Variants in ERCC6 observed in about 807,000 individuals in gnomAD.
ERCC6 encodes DNA excision repair protein ERCC-6.
A neutral mutation model predicts 158.7 loss-of-function variants in ERCC6; 116 were observed. That is an observed-to-expected ratio of 0.73 (90% CI 0.63 to 0.85). The LOEUF (loss-of-function observed/expected upper bound fraction) is 0.85. Ranked by LOEUF, ERCC6 falls within the 40% of genes least tolerant of loss-of-function variation. The pLI is 0.00. For missense variants in ERCC6, 1,698 were observed against 1,799.4 expected, an observed-to-expected ratio of 0.94 and a Z score of 1.02; for synonymous variants, 678 against 659.3, an observed-to-expected ratio of 1.03 and a Z score of -0.43.
At chr10:49,490,218 C>T (rs1279076721) in intron 8 of ERCC6, among the ~76,000 whole-genome samples, 1 of 152,100 alleles carries the variant, frequency 6.6e-6, no homozygotes, top group Non-Finnish European at 1.5e-5. Flanking sequence ...TGCTGCCAAT[C>T]AGAGACTATT....
chr10:49,459,274 T>G, intron 20 of ERCC6, 40 bp from the exon 21 acceptor site: 1 of 1,602,496 alleles, frequency 6.2e-7, no homozygotes, highest in Non-Finnish European at 8.5e-7. Context: ...ATTTAATTTC[T>G]AGTTTATGCC....
intron 4 of ERCC6, among the ~76,000 whole-genome samples, chr10:49,526,763 G>T (rs566509813): frequency 2.0e-5 from 3 of 152,144 alleles, no homozygotes; most frequent in Admixed American, 1.3e-4. Context: ...TTACAGTTAT[G>T]GTGTAACTTC....
chr10:49,470,637 C>A lies in ERCC6; in HGVS notation c.3323G>T (p.Gly1108Val), dbSNP rs531562463. 1.9e-6 allele frequency: 3 copies of A among 1,613,666 alleles called. No homozygotes were observed. In the African/African-American group the frequency reaches 4.0e-5, roughly 22 times the overall value. The change falls in exon 18 of 21, where the codon GGA (glycine) becomes GTA (valine). Residue 1108 changes from glycine (G) to valine (V), a missense_variant. Transcript: ENST00000355832. The stretch of plus-strand genomic sequence containing the variant: ...TCCAGATACTGCATTTGTCTCTTCT[C>A]CAAGCCTATCATTGCTAGTTACATT... ...SSNVTSNDRL[G>V]EETNAVSGPE... is the part of the protein sequence containing the mutation.
chr10:49,461,316 G>T (rs1243676401), intron 19 of ERCC6, 36 bp downstream of exon 19: 1 of 1,592,510 alleles, frequency 6.3e-7, no homozygotes, highest in African/African-American at 1.3e-5. Flanking sequence ...TAGTTGTTTG[G>T]ACTCCTTGCA....
chr10:49,468,945 G>A (rs1287494603), intron 18 of ERCC6, among the ~76,000 whole-genome samples: 3 of 151,454 alleles, frequency 2.0e-5, no homozygotes, highest in Non-Finnish European at 4.4e-5. Flanking sequence ...AAGACAATAC[G>A]AGCATCATAA....
chr10:49,462,423 C>T lies in ERCC6; in HGVS notation c.3779-867G>A, dbSNP rs570789415. On this transcript the variant is annotated intron_variant, in intron 18 of 20. Coordinates refer to ENST00000355832, the MANE Select transcript of ERCC6 (RefSeq NM_000124.4). ...ATACAAGTAGTACAAGAAAACATGGCGAATTATCATATGATCTATATGTAG... is the reference window on the plus strand; with the variant it reads ...ATACAAGTAGTACAAGAAAACATGGTGAATTATCATATGATCTATATGTAG... Among the ~76,000 whole-genome samples, 26 of 151,822 alleles carry T rather than the reference C, an allele frequency of 1.7e-4. No individual in the cohort carries two copies. The South Asian group carries it at 4.4e-3, about 26-fold the overall frequency.
the ERCC6 span, among the ~76,000 whole-genome samples, chr10:49,441,038 A>G: frequency 2.5e-4 from 38 of 152,386 alleles, no homozygotes; most frequent in African/African-American, 8.7e-4. Flanking sequence ...ATAATTTCAG[A>G]GAAGTCAGTT....
chr10:49,462,249 A>C (rs1264000437), intron 18 of ERCC6, among the ~76,000 whole-genome samples: 1 of 152,226 alleles, frequency 6.6e-6, no homozygotes, highest in Admixed American at 6.5e-5. Context: ...TGATAAAGGC[A>C]TCTCTAATCA....
intron 3 of ERCC6, among the ~76,000 whole-genome samples, chr10:49,529,204 T>C (rs2132632887): frequency 6.6e-6 from 1 of 152,306 alleles, no homozygotes; most frequent in Non-Finnish European, 1.5e-5. Flanking sequence ...CTTTCCAAGG[T>C]CAAGAATGTT....
At position 49,532,934 on chromosome 10, in the gene ERCC6, G is replaced by C. The variant is rs769990464; in HGVS notation, c.31C>G (p.Gln11Glu). Residue 11 changes from glutamine to glutamate, a missense_variant, in exon 2 of 21, where the codon CAA (glutamine) becomes GAA (glutamate). By Grantham distance (29) the Gln-to-Glu change is conservative. Transcript: ENST00000355832. MPNEGIPHSS[Q>E]TQEQDCLQSQ... ...TGTAAACAGTCTTGCTCCTGAGTTT[G>C]ACTTGAGTGGGGGATTCCCTCATTT... The C allele has an allele frequency of 6.2e-7, 1 of 1,614,180 alleles. No homozygotes were observed. The highest frequency in any genetic ancestry group is 2.2e-5 in the East Asian group (1 of 44,882).
intron 18 of ERCC6, among the ~76,000 whole-genome samples, chr10:49,469,014 T>C (rs1850725608): frequency 6.6e-6 from 1 of 152,016 alleles, no homozygotes; most frequent in African/African-American, 2.4e-5. Flanking sequence ...TCCACACTGA[T>C]CTAAAAATAA....
At chr10:49,441,952 A>G in the ERCC6 span, among the ~76,000 whole-genome samples, 1 of 152,208 alleles carries the variant, frequency 6.6e-6, no homozygotes, top group Non-Finnish European at 1.5e-5. Flanking sequence ...GTTGAGCCCA[A>G]AAACTCCCGG....
At position 49,528,567 on chromosome 10, in the gene ERCC6, G is replaced by A. The variant is rs757358097; in HGVS notation, c.544-42C>T. On this transcript the variant is annotated intron_variant, in intron 3 of 20. Transcript: ENST00000355832. ...AGAAGACAGAAAACAGCAATGAAGT[G>A]ATTTATTGTTAAATACAAAAGATAG... is the stretch of plus-strand genomic sequence containing the variant. 1.9e-6 allele frequency: 3 copies of A among 1,605,310 alleles called. No individual in the cohort carries two copies. In the Admixed American group the frequency reaches 5.0e-5, roughly 27 times the overall value.
At chr10:49,491,287 G>A (rs1179747606) in intron 8 of ERCC6, among the ~76,000 whole-genome samples, 1 of 152,108 alleles carries the variant, frequency 6.6e-6, no homozygotes, top group Middle Eastern at 3.2e-3. Context: ...ACATATTTTT[G>A]ATCTTTTGCC....
rs374363185 is a variant in ERCC6, at chr10:49,524,585, G to T, written c.845C>A (p.Ser282Tyr). The T allele has an allele frequency of 6.2e-7, 1 of 1,614,078 alleles. No homozygotes were observed. Among genetic ancestry groups the T allele is most frequent in the Non-Finnish European group, 8.5e-7 (1 of 1,180,046 alleles). The change falls in exon 5 of 21, where the codon TCT (serine) becomes TAT (tyrosine). Residue 282 changes from serine (S) to tyrosine (Y), a missense_variant. Ser to Tyr is a moderately radical substitution (Grantham distance 144). Transcript: ENST00000355832. ...ACAACCTTGCTTCTTCCTTTCAAAAGACAGTTTTGCTTGATCTGCCAAATA... is the reference window on the plus strand; with the variant it reads ...ACAACCTTGCTTCTTCCTTTCAAAATACAGTTTTGCTTGATCTGCCAAATA... ...EKYLADQAKL[S>Y]FERKKQGCNK... is the part of the protein sequence containing the mutation.
In ERCC6 at chr10:49,524,380, C is replaced by G; in HGVS notation, c.1050G>C (p.Lys350Asn). Residue 350 changes from lysine to asparagine, a missense_variant, in exon 5 of 21, where the codon AAG becomes AAC. Lys to Asn is a moderately conservative substitution (Grantham distance 94). Coordinates refer to ENST00000355832, the MANE Select transcript of ERCC6 (RefSeq NM_000124.4). The stretch of plus-strand genomic sequence containing the variant: ...TGTCTGACTCCCAAGGTCTCCTTGC[C>G]TTTGGCAATCCCACTTTCCCCTGGA... ...LQFQGKVGLPKARRPWESDMR... is the reference protein window; with the variant it reads ...LQFQGKVGLPNARRPWESDMR... 1 of 1,614,194 alleles carries G rather than the reference C, an allele frequency of 6.2e-7. No homozygotes were observed. Among genetic ancestry groups the G allele is most frequent in the Non-Finnish European group, 8.5e-7 (1 of 1,180,036 alleles).
At chr10:49,480,132 A>G (rs1277245795) in intron 10 of ERCC6, among the ~76,000 whole-genome samples, 1 of 152,112 alleles carries the variant, frequency 6.6e-6, no homozygotes, top group Non-Finnish European at 1.5e-5. Context: ...TGAGCACACC[A>G]ACCCCAGCAG....
At chr10:49,535,793 G>A (rs1590497286) in intron 1 of ERCC6, among the ~76,000 whole-genome samples, 1 of 151,196 alleles carries the variant, frequency 6.6e-6, no homozygotes, top group East Asian at 2.0e-4. Context: ...AAGGCTGAGT[G>A]AATTTGGATA....
chr10:49,515,363 C>T, intron 5 of ERCC6: 2 of 1,613,058 alleles, frequency 1.2e-6, no homozygotes, highest in Non-Finnish European at 1.7e-6. Flanking sequence ...CGGAACACTT[C>T]ACATGTAAGG....
Sources: gnomAD v4.1 joint callset for allele counts (sites outside exome capture counted in the v4.1 genomes callset) on GRCh38, gnomAD v4.1.1 for gene constraint, MANE v1.5 for transcripts, NCBI Gene and HGNC (gene_info 2026-07-23, HGNC 2026-07-21) for gene names.